The following RUBCN variants were observed in gnomAD, a reference collection of about 807,000 sequenced individuals.
RUBCN encodes the protein run domain Beclin-1-interacting and cysteine-rich domain-containing protein.
A neutral mutation model predicts 113.2 loss-of-function variants in RUBCN; 74 were observed. The ratio of observed to expected loss-of-function variants is 0.65; its 90% CI spans 0.54 to 0.79. The LOEUF (loss-of-function observed/expected upper bound fraction) is 0.79, where lower values mean the gene tolerates loss of function less well. RUBCN is among the 30% of genes least tolerant of loss of function. RUBCN has a pLI of 0.00. For missense variants in RUBCN, 1,109 were observed against 1,251.7 expected (o/e 0.89, Z 1.72); for synonymous variants, 480 against 490.0 (o/e 0.98, Z 0.27).
At chr3:197,691,067 A>C in intron 11 of RUBCN, 1 of 1,286,412 alleles carries the variant, frequency 7.8e-7, no homozygotes. Flanking sequence ...CTTGCAAAGT[A>C]GGCTACCTGA....
upstream of RUBCN, among the ~76,000 whole-genome samples, chr3:197,738,220 G>T (rs1354505050): frequency 3.3e-5 from 5 of 152,168 alleles, no homozygotes; most frequent in East Asian, 9.6e-4. Context: ...TGCAAACCCA[G>T]GCTTAAACTA....
At chr3:197,689,690 A>G (rs1038169453) in intron 11 of RUBCN, among the ~76,000 whole-genome samples, 1 of 152,248 alleles carries the variant, frequency 6.6e-6, no homozygotes, top group Non-Finnish European at 1.5e-5. Context: ...AATTAAGTTG[A>G]TACCATAATA....
intron 1 of RUBCN, among the ~76,000 whole-genome samples, chr3:197,726,905 G>T (rs189362267): frequency 2.0e-4 from 30 of 150,134 alleles, no homozygotes; most frequent in African/African-American, 5.6e-4. Flanking sequence ...ATTTGAATTT[G>T]AATCTTAGCT....
intron 1 of RUBCN, among the ~76,000 whole-genome samples, chr3:197,728,994 T>G (rs969388686): frequency 6.6e-6 from 1 of 151,890 alleles, no homozygotes; most frequent in East Asian, 2.0e-4. Context: ...CCGGGCGCGG[T>G]GGCTCACGCC....
At chr3:197,737,128 G>A, upstream of RUBCN, 1 of 244,168 alleles carries the variant, frequency 4.1e-6, no homozygotes, top group South Asian at 5.7e-5. Flanking sequence ...GTGGTTGGCT[G>A]GGCCGGCTTG....
intron 4 of RUBCN, 33 bp from the exon 5 acceptor site, chr3:197,703,687 C>T (rs761551895): frequency 3.5e-6 from 5 of 1,416,186 alleles, no homozygotes; most frequent in Non-Finnish European, 5.0e-6. Context: ...AGTGATAGAG[C>T]CCATCAGGGA....
intron 1 of RUBCN, among the ~76,000 whole-genome samples, chr3:197,722,028 C>A (rs1383522472): frequency 6.6e-6 from 1 of 152,010 alleles, no homozygotes; most frequent in Non-Finnish European, 1.5e-5. Context: ...CACTTGAGGT[C>A]AGGAGGTCAA....
chr3:197,689,681 ATTAAG>A (rs779322552), intron 11 of RUBCN, among the ~76,000 whole-genome samples: 2 of 152,262 alleles, frequency 1.3e-5, no homozygotes, highest in Non-Finnish European at 2.9e-5. Context: ...TCTTAAAAAA[ATTAAG>A]TTGATACCAT....
At chr3:197,749,450 T>A in exon 1 of RUBCN, 1 of 1,259,994 alleles carries the variant, frequency 7.9e-7, no homozygotes, top group Non-Finnish European at 1.0e-6. Context: ...TCAGCGCAGC[T>A]GTAGGTGGAG....
Position 197,677,547 on chromosome 3 carries a change from A to C in RUBCN, c.2431-6T>G. 6.2e-7 allele frequency: 1 copy of C among 1,613,894 alleles called. No homozygotes were observed. The highest frequency in any genetic ancestry group is 1.3e-5 in the African/African-American group (1 of 75,060). ...CACAGCTGGACCCGCAGCAGCTGAA[A>C]AGAAAGAGAGGGGGGCAGGAGTGGG... On this transcript the variant is annotated splice_polypyrimidine_tract_variant and splice_region_variant and intron_variant, in intron 16 of 19. Coordinates refer to ENST00000296343, the MANE Select transcript of RUBCN (RefSeq NM_014687.4).
intron 7 of RUBCN, chr3:197,700,343 A>T: frequency 2.0e-6 from 1 of 512,666 alleles, no homozygotes; most frequent in Non-Finnish European, 3.3e-6. Flanking sequence ...AACTCGCACT[A>T]TGAGTCACGC....
chr3:197,690,300 TG>T (rs935097293), intron 11 of RUBCN, among the ~76,000 whole-genome samples: 3 of 152,082 alleles, frequency 2.0e-5, no homozygotes, highest in Non-Finnish European at 4.4e-5. Context: ...TAGCCAGGTG[TG>T]GTGGCAGCTG....
chr3:197,688,320 G>A (rs948331150), intron 11 of RUBCN, among the ~76,000 whole-genome samples: 3 of 152,004 alleles, frequency 2.0e-5, no homozygotes, highest in Non-Finnish European at 2.9e-5. Flanking sequence ...AGCCACCGCT[G>A]GTCTCAAACT....
upstream of RUBCN, among the ~76,000 whole-genome samples, chr3:197,739,433 C>T (rs1388023548): frequency 3.3e-5 from 5 of 151,214 alleles, no homozygotes; most frequent in East Asian, 9.9e-4. Flanking sequence ...GTGGCTCATG[C>T]CTGTAATCCC....
chr3:197,696,010 G>C (rs904794024), intron 8 of RUBCN, 29 bp from the exon 9 acceptor site: 1 of 1,600,450 alleles, frequency 6.2e-7, no homozygotes, highest in African/African-American at 1.3e-5. Context: ...GGATGAAACA[G>C]CCAGGCTTCT....
chr3:197,690,713 T>C (rs1722329812), intron 11 of RUBCN, among the ~76,000 whole-genome samples: 1 of 152,232 alleles, frequency 6.6e-6, no homozygotes, highest in Admixed American at 6.5e-5. Flanking sequence ...TCTGAATGTG[T>C]GGCAGGAGCT....
Position 197,670,271 on chromosome 3 carries a change from G to A in RUBCN, c.*4747C>T, listed in dbSNP as rs1480821191. Among the ~76,000 whole-genome samples the A allele has an allele frequency of 6.6e-6, 1 of 152,086 alleles. No homozygotes were observed. The highest frequency in any genetic ancestry group is 1.5e-5 in the Non-Finnish European group (1 of 68,000). On this transcript the variant is annotated 3_prime_UTR_variant, in exon 20 of 20. Coordinates refer to ENST00000296343, the MANE Select transcript of RUBCN (RefSeq NM_014687.4). The stretch of plus-strand genomic sequence containing the variant: ...TTAACTTTTTACTTTCATAAATTAT[G>A]CTGCAGTAAACATCTTTAAACAATA...
At chr3:197,743,005 G>C (rs1461653448) in intron 1 of RUBCN, among the ~76,000 whole-genome samples, 2 of 152,110 alleles carry the variant, frequency 1.3e-5, no homozygotes, top group Admixed American at 1.3e-4. Flanking sequence ...AAGCTGAGAG[G>C]TCCCACCCCT....
chr3:197,699,120 A>C, intron 7 of RUBCN: 1 of 1,096,654 alleles, frequency 9.1e-7, no homozygotes, highest in Non-Finnish European at 1.4e-6. Context: ...AGACTGAAGG[A>C]GGTTCTGAAC....
Sources: gnomAD v4.1 joint callset for allele counts (sites outside exome capture counted in the v4.1 genomes callset) on GRCh38, gnomAD v4.1.1 for gene constraint, MANE v1.5 for transcripts, NCBI Gene and HGNC (gene_info 2026-07-23, HGNC 2026-07-21) for gene names.